Variants in TTLL5 observed in about 807,000 individuals in gnomAD.
TTLL5 encodes tubulin tyrosine ligase like 5.
In TTLL5, 132 loss-of-function variants were observed where a neutral mutation model predicts 168.4. The ratio of observed to expected loss-of-function variants is 0.78; its 90% confidence interval spans 0.68 to 0.91. The LOEUF is 0.91. Among genes scored for constraint, TTLL5 ranks in the 40% least tolerant of loss-of-function variants. The probability of loss-of-function intolerance (pLI) is 0.00; values close to 1 mark genes in which losing one functional copy is unlikely to be tolerated. For missense variants in TTLL5, 1,545 were observed against 1,581.5 expected (o/e 0.98, Z 0.39); for synonymous variants, 546 against 558.6 (o/e 0.98, Z 0.32).
intron 28 of TTLL5, among the ~76,000 whole-genome samples, chr14:75,856,242 A>G (rs1299048259): frequency 6.6e-6 from 1 of 152,184 alleles, no homozygotes; most frequent in African/African-American, 2.4e-5. Context: ...ACATACCTGT[A>G]ATCCCAGCTA....
At chr14:75,767,586 A>G (rs1262304757) in intron 20 of TTLL5, among the ~76,000 whole-genome samples, 1 of 152,218 alleles carries the variant, frequency 6.6e-6, no homozygotes, top group Non-Finnish European at 1.5e-5. Flanking sequence ...AATACAGACT[A>G]GAGGAATTAT....
chr14:75,839,876 C>T (rs1285294958), intron 28 of TTLL5, among the ~76,000 whole-genome samples: 1 of 152,154 alleles, frequency 6.6e-6, no homozygotes, highest in Non-Finnish European at 1.5e-5. Context: ...TTGGAGAAAT[C>T]TCTGTTTAAG....
At chr14:75,934,754 G>A (rs1595298105) in intron 31 of TTLL5, among the ~76,000 whole-genome samples, 1 of 152,194 alleles carries the variant, frequency 6.6e-6, no homozygotes, top group African/African-American at 2.4e-5. Context: ...AGGTAAAACT[G>A]AAGACAATCT....
At position 75,683,542 on chromosome 14, in the gene TTLL5, GC is replaced by G. The variant is rs2140122495; in HGVS notation, c.265-5del. 7 of 1,609,188 alleles carry G rather than the reference GC, an allele frequency of 4.4e-6. No homozygotes were observed. The highest frequency in any genetic ancestry group is 6.0e-6 in the Non-Finnish European group (7 of 1,176,084). On this transcript the variant is annotated splice_polypyrimidine_tract_variant and splice_region_variant and intron_variant, in intron 4 of 31. Transcript: ENST00000298832. ...TTTTTGCCTTCTTGTCTTTCTGTCT[GC>G]CCTCAGGTTCACCCAAGCAGCACTG...
chr14:75,926,985 G>A (rs1203928509), intron 31 of TTLL5, among the ~76,000 whole-genome samples: 1 of 152,234 alleles, frequency 6.6e-6, no homozygotes, highest in East Asian at 1.9e-4. Flanking sequence ...ACTGGGGCTG[G>A]CGGGGGCCGA....
At chr14:75,700,843 C>G (rs573351426) in intron 7 of TTLL5, among the ~76,000 whole-genome samples, 1 of 152,054 alleles carries the variant, frequency 6.6e-6, no homozygotes, top group Admixed American at 6.5e-5. Flanking sequence ...TTGCTGCTGC[C>G]GCTGACAGAC....
In TTLL5 at chr14:75,882,741, T is replaced by C. The variant is rs536292531; in HGVS notation, c.3579T>C (p.Gly1193=). ...CCAATTTATGGACAATGAATAATGG[T>C]GCAGGTTGTAGAATTTCCAGTGCCA... The part of the protein sequence containing the change: ...PNSNLWTMNN[G]AGCRISSATA... Residue 1193 remains glycine, a synonymous_variant, in exon 30 of 32, where the codon GGT becomes GGC. Coordinates refer to ENST00000298832, the MANE Select transcript of TTLL5 (RefSeq NM_015072.5). 1 of 1,614,010 alleles carries C rather than the reference T, an allele frequency of 6.2e-7. No homozygotes were observed. Among genetic ancestry groups the C allele is most frequent in the Non-Finnish European group, 8.5e-7 (1 of 1,179,994 alleles).
intron 9 of TTLL5, among the ~76,000 whole-genome samples, chr14:75,717,354 A>G (rs566774063): frequency 1.1e-4 from 16 of 152,246 alleles, no homozygotes; most frequent in Middle Eastern, 3.4e-3. Context: ...GGCTCAAGCA[A>G]TCCTCCTGCC....
chr14:75,739,633 G>T (rs530783719), intron 15 of TTLL5, among the ~76,000 whole-genome samples: 1 of 152,208 alleles, frequency 6.6e-6, no homozygotes, highest in South Asian at 2.1e-4. Flanking sequence ...TTTACAGTCC[G>T]ATAGACCTGG....
intron 3 of TTLL5, among the ~76,000 whole-genome samples, chr14:75,673,084 G>A (rs974235952): frequency 2.0e-4 from 30 of 151,498 alleles, no homozygotes; most frequent in African/African-American, 6.5e-4. Flanking sequence ...GTCTGTGGGT[G>A]TACACCACCA....
At chr14:75,690,504 A>G (rs1885372055) in intron 6 of TTLL5, among the ~76,000 whole-genome samples, 182 bp downstream of exon 6, 1 of 152,224 alleles carries the variant, frequency 6.6e-6, no homozygotes, top group Admixed American at 6.5e-5. Flanking sequence ...TATGTTCAGT[A>G]AACTTGTCAG....
At chr14:75,674,689 T>C (rs552727805) in intron 3 of TTLL5, among the ~76,000 whole-genome samples, 2 of 152,284 alleles carry the variant, frequency 1.3e-5, no homozygotes, top group South Asian at 2.1e-4. Flanking sequence ...ACTTCTAGAA[T>C]GAAGCATTTT....
Position 75,775,578 on chromosome 14 carries a change from G to A in TTLL5, c.2231G>A (p.Arg744His), listed in dbSNP as rs766807897. 23 of 1,613,936 alleles carry A rather than the reference G, an allele frequency of 1.4e-5. No homozygotes were observed. Among genetic ancestry groups the A allele is most frequent in the South Asian group, 6.6e-5 (6 of 91,084 alleles). Reference sequence around the variant, plus strand: ...AGTCGACGATTGGCACTTCTGGAACGCAGAAGAATCCTGGCCCACCAGCTG... The same window carrying A: ...AGTCGACGATTGGCACTTCTGGAACACAGAAGAATCCTGGCCCACCAGCTG... ...LPSRRLALLE[R>H]RRILAHQLGD... The change falls in exon 22 of 32, where the codon CGC becomes CAC. Residue 744 changes from arginine (R) to histidine (H), a missense_variant. Transcript: ENST00000298832.
At chr14:75,900,057 G>T (rs1230563497) in intron 30 of TTLL5, among the ~76,000 whole-genome samples, 1 of 151,254 alleles carries the variant, frequency 6.6e-6, no homozygotes, top group African/African-American at 2.4e-5. Flanking sequence ...TTTAACTTCT[G>T]TAAAGGAAAG....
intron 29 of TTLL5, among the ~76,000 whole-genome samples, chr14:75,870,392 G>C (rs2030929285): frequency 6.6e-6 from 1 of 151,600 alleles, no homozygotes; most frequent in Non-Finnish European, 1.5e-5. Flanking sequence ...ACAGGCGTGA[G>C]CCACCACGCC....
At chr14:75,761,177 C>T (rs1890621440) in intron 18 of TTLL5, among the ~76,000 whole-genome samples, 1 of 152,100 alleles carries the variant, frequency 6.6e-6, no homozygotes. Context: ...AGTAAAACCA[C>T]GTTATACCAC....
chr14:75,884,710 C>A (rs188952146), intron 30 of TTLL5, among the ~76,000 whole-genome samples: 1 of 152,244 alleles, frequency 6.6e-6, no homozygotes, highest in African/African-American at 2.4e-5. Flanking sequence ...TAAGTTAATA[C>A]TAATAAAGAC....
At chr14:75,827,753 C>T (rs1256869193) in intron 28 of TTLL5, among the ~76,000 whole-genome samples, 1 of 112,376 alleles carries the variant, frequency 8.9e-6, no homozygotes, top group Non-Finnish European at 1.7e-5. Flanking sequence ...CAAGGTCTCA[C>T]TCTGTCACCA....
chr14:75,669,758 C>T lies in TTLL5; in HGVS notation c.181+236C>T, dbSNP rs1388987867. On this transcript the variant is annotated intron_variant, in intron 3 of 31. Transcript: ENST00000298832. ...TTTTTTTTTTAATTGTGGTAAAATA[C>T]ACCTAACAAAATTTACCATTTTAAC... Among the ~76,000 whole-genome samples the T allele has an allele frequency of 2.6e-5, 4 of 151,214 alleles. No homozygotes were observed. The South Asian group carries it at 8.4e-4, about 32-fold the overall frequency.
Sources: allele counts gnomAD v4.1 joint callset (sites outside exome capture counted in the v4.1 genomes callset), GRCh38; gene constraint gnomAD v4.1.1; transcripts MANE v1.5; gene names NCBI Gene and HGNC (gene_info 2026-07-23, HGNC 2026-07-21).